The following RAB3C variants were observed in gnomAD, a reference collection of about 807,000 sequenced individuals.
RAB3C encodes the protein ras-related protein Rab-3C.
In RAB3C, 17 loss-of-function variants were observed where a neutral mutation model predicts 26.4. That is an observed-to-expected ratio of 0.64 (90% CI 0.44 to 0.97). RAB3C has a LOEUF of 0.97. RAB3C is among the 50% of genes least tolerant of loss of function. RAB3C has a pLI of 0.00. For missense variants in RAB3C, 242 were observed against 281.9 expected (o/e 0.86, Z 1.01); for synonymous variants, 91 against 95.9 (o/e 0.95, Z 0.30).
At chr5:58,713,158 T>A (rs951722129) in intron 2 of RAB3C, among the ~76,000 whole-genome samples, 1 of 152,054 alleles carries the variant, frequency 6.6e-6, no homozygotes, top group African/African-American at 2.4e-5. Flanking sequence ...GTACAGATGG[T>A]GATGGAGGTA....
intron 2 of RAB3C, among the ~76,000 whole-genome samples, chr5:58,713,923 A>T (rs1749116029): frequency 1.3e-5 from 2 of 152,294 alleles, no homozygotes; most frequent in Middle Eastern, 3.4e-3. Context: ...AGGGTTAATA[A>T]CTGAAATTTT....
intron 3 of RAB3C, among the ~76,000 whole-genome samples, chr5:58,779,360 TTA>T (rs754010528): frequency 2.0e-5 from 3 of 147,974 alleles, no homozygotes; most frequent in South Asian, 2.1e-4. Flanking sequence ...AAAATATGAT[TTA>T]TATATATATA....
At chr5:58,665,712 A>G (rs1240579868) in intron 2 of RAB3C, among the ~76,000 whole-genome samples, 1 of 152,184 alleles carries the variant, frequency 6.6e-6, no homozygotes, top group Admixed American at 6.5e-5. Context: ...CCTTGAGGTC[A>G]TTCAAACTCC....
intron 2 of RAB3C, among the ~76,000 whole-genome samples, chr5:58,679,272 G>C (rs1432510435): frequency 6.6e-6 from 1 of 151,954 alleles, no homozygotes; most frequent in Non-Finnish European, 1.5e-5. Context: ...TTTTTTTTTG[G>C]TAGTTCTCAG....
At chr5:58,662,013 C>A (rs2111808115) in intron 2 of RAB3C, among the ~76,000 whole-genome samples, 1 of 150,148 alleles carries the variant, frequency 6.7e-6, no homozygotes, top group East Asian at 1.9e-4. Flanking sequence ...ATCCCAGGTC[C>A]TTATTTGATG....
At chr5:58,764,089 A>G (rs1741849814) in intron 3 of RAB3C, among the ~76,000 whole-genome samples, 1 of 152,232 alleles carries the variant, frequency 6.6e-6, no homozygotes, top group African/African-American at 2.4e-5. Context: ...TTGGTATCAT[A>G]TATCAAATTT....
intron 2 of RAB3C, among the ~76,000 whole-genome samples, chr5:58,714,966 T>C (rs1343880132): frequency 6.6e-6 from 1 of 151,968 alleles, no homozygotes; most frequent in Non-Finnish European, 1.5e-5. Context: ...ATCCACTGTA[T>C]CAAAAATACT....
At chr5:58,600,687 A>C (rs570225932) in intron 1 of RAB3C, among the ~76,000 whole-genome samples, 4 of 152,274 alleles carry the variant, frequency 2.6e-5, no homozygotes, top group African/African-American at 7.2e-5. Flanking sequence ...ATTTGTGTAC[A>C]TTAATCTTTT....
chr5:58,712,642 A>T (rs762524238), intron 2 of RAB3C, among the ~76,000 whole-genome samples: 3 of 152,104 alleles, frequency 2.0e-5, no homozygotes, highest in Non-Finnish European at 2.9e-5. Flanking sequence ...CTCCTACCTC[A>T]GCCTCCCAAG....
chr5:58,829,253 A>G (rs985614849), intron 4 of RAB3C, among the ~76,000 whole-genome samples: 1 of 152,156 alleles, frequency 6.6e-6, no homozygotes, highest in Admixed American at 6.5e-5. Flanking sequence ...ATAACAATAT[A>G]TAAGAATGTT....
chr5:58,704,612 T>C lies in RAB3C; in HGVS notation c.253-21390T>C, dbSNP rs114901278. On this transcript the variant is annotated intron_variant, in intron 2 of 4. Coordinates refer to ENST00000282878, the MANE Select transcript of RAB3C (RefSeq NM_138453.4). Reference sequence around the variant, plus strand: ...TGATCTGTGCTGAATGTATCTGGGGTTGAGATTCTATTCCATTTCAGAACA... The same window carrying C: ...TGATCTGTGCTGAATGTATCTGGGGCTGAGATTCTATTCCATTTCAGAACA... 2.6e-3 allele frequency among the ~76,000 whole-genome samples: 397 copies of C among 152,206 alleles called. 1 individual carries two copies. The highest frequency in any genetic ancestry group is 8.8e-3 in the African/African-American group (365 of 41,548).
At chr5:58,591,975 T>C (rs1377662090) in intron 1 of RAB3C, among the ~76,000 whole-genome samples, 1 of 150,922 alleles carries the variant, frequency 6.6e-6, no homozygotes, top group Non-Finnish European at 1.5e-5. Flanking sequence ...CTCGGCTCAC[T>C]GCAACCTCTG....
chr5:58,703,948 A>G (rs1748896372), intron 2 of RAB3C, among the ~76,000 whole-genome samples: 1 of 152,234 alleles, frequency 6.6e-6, no homozygotes, highest in Non-Finnish European at 1.5e-5. Flanking sequence ...AGACCTTAAA[A>G]TATGTAATTT....
intron 4 of RAB3C, among the ~76,000 whole-genome samples, chr5:58,839,864 C>T (rs1417167380): frequency 5.3e-5 from 8 of 150,792 alleles, no homozygotes; most frequent in Non-Finnish European, 7.4e-5. Context: ...ATTTCTCCAT[C>T]ATTTCTAAAG....
In RAB3C at chr5:58,858,843, ACT is replaced by A. The variant is rs563103525; in HGVS notation, c.*7494_*7495del. 12 of 152,288 alleles carry A rather than the reference ACT, an allele frequency of 7.9e-5. 1 individual carries two copies. In the South Asian group the frequency reaches 2.5e-3, roughly 32 times the overall value. 9.4% of individuals were successfully genotyped at this position (152,288 alleles called of 1,614,324 possible). ...ATTCCTCTGTGCTGAGCAGCTCAAG[ACT>A]CAGCCACAATATGCAAATTGCTTTA... On this transcript the variant is annotated 3_prime_UTR_variant, in exon 5 of 5. Coordinates refer to ENST00000282878, the MANE Select transcript of RAB3C (RefSeq NM_138453.4).
At chr5:58,696,565 T>C (rs1748704824) in intron 2 of RAB3C, among the ~76,000 whole-genome samples, 1 of 152,184 alleles carries the variant, frequency 6.6e-6, no homozygotes, top group South Asian at 2.1e-4. Context: ...CTCTTTTTGT[T>C]TGGTAGGCTA....
intron 1 of RAB3C, among the ~76,000 whole-genome samples, chr5:58,586,171 A>T (rs1422946982): frequency 6.6e-6 from 1 of 152,126 alleles, no homozygotes; most frequent in African/African-American, 2.4e-5. Context: ...TAACAATCAT[A>T]CATATCTATG....
intron 3 of RAB3C, chr5:58,822,605 A>T: frequency 3.5e-6 from 1 of 289,292 alleles, no homozygotes; most frequent in Non-Finnish European, 6.9e-6. Flanking sequence ...ACTCAGAAAC[A>T]CTCTGTGATA....
chr5:58,755,098 G>C (rs953366384), intron 3 of RAB3C, among the ~76,000 whole-genome samples: 1 of 152,168 alleles, frequency 6.6e-6, no homozygotes, highest in Non-Finnish European at 1.5e-5. Flanking sequence ...AACTCCAAAA[G>C]AATTGCAGCC....
Sources: gnomAD v4.1 joint callset for allele counts (sites outside exome capture counted in the v4.1 genomes callset) on GRCh38, gnomAD v4.1.1 for gene constraint, MANE v1.5 for transcripts, NCBI Gene and HGNC (gene_info 2026-07-23, HGNC 2026-07-21) for gene names.